The following C12orf54 variants were observed in gnomAD, a reference collection of about 807,000 sequenced individuals.
C12orf54 encodes the protein uncharacterized protein C12orf54.
Under a neutral mutation model 26.4 loss-of-function variants are expected in C12orf54, and 24 were observed. The observed-to-expected ratio is 0.91, with a 90% CI of 0.66 to 1.28. The LOEUF (loss-of-function observed/expected upper bound fraction) is 1.28. C12orf54 is among the 50% of genes most tolerant of loss of function. The pLI, the probability that C12orf54 is intolerant of heterozygous loss-of-function variation, is 0.00. For synonymous variants in C12orf54, 54 were observed against 47.0 expected, an observed-to-expected ratio of 1.15 and a Z score of -0.61; for missense variants, 154 against 150.9, an observed-to-expected ratio of 1.02 and a Z score of -0.11.
rs1028428728 is a variant in C12orf54, at chr12:48,492,898, C to T, written c.194-49C>T. 8.4e-6 allele frequency: 13 copies of T among 1,539,362 alleles called. No homozygotes were observed. The African/African-American group carries it at 1.8e-4, about 21-fold the overall frequency. On this transcript the variant is annotated intron_variant, in intron 6 of 8. Transcript: ENST00000548364. ...GATGTGAGCTGGGCAGCTGGGGAGA[C>T]ATGTCCAGGCCCCTGTAACAGAATG...
upstream of C12orf54, among the ~76,000 whole-genome samples, chr12:48,478,927 A>T (rs199903004): frequency 5.7e-4 from 87 of 152,336 alleles, no homozygotes; most frequent in East Asian, 0.017. Context: ...GGGACTGTGA[A>T]CTAGTTCAAC....
chr12:48,486,047 G>T, intron 2 of C12orf54, 131 bp from the exon 3 acceptor site: 1 of 817,792 alleles, frequency 1.2e-6, no homozygotes. Flanking sequence ...GCAGGACCGT[G>T]GCTACCCTTC....
At chr12:48,443,951 A>C in the C12orf54 span, among the ~76,000 whole-genome samples, 1 of 152,202 alleles carries the variant, frequency 6.6e-6, no homozygotes, top group Non-Finnish European at 1.5e-5. Context: ...TATTCTTTGG[A>C]ATCGAGTCCA....
At chr12:48,451,491 G>A in the C12orf54 span, among the ~76,000 whole-genome samples, 1 of 152,136 alleles carries the variant, frequency 6.6e-6, no homozygotes, top group East Asian at 1.9e-4. Context: ...GTTCTGGCCA[G>A]GGCAATCAGG....
chr12:48,468,159 A>G, the C12orf54 span, among the ~76,000 whole-genome samples: 1 of 152,226 alleles, frequency 6.6e-6, no homozygotes, highest in Non-Finnish European at 1.5e-5. Context: ...GGTATTTATA[A>G]TGTCCAGTGG....
At chr12:48,450,716 A>G in the C12orf54 span, among the ~76,000 whole-genome samples, 1 of 152,216 alleles carries the variant, frequency 6.6e-6, no homozygotes, top group South Asian at 2.1e-4. Context: ...CACATAAACT[A>G]GAACATCTAG....
the C12orf54 span, among the ~76,000 whole-genome samples, chr12:48,429,554 C>T: frequency 6.6e-6 from 1 of 151,376 alleles, no homozygotes; most frequent in Non-Finnish European, 1.5e-5. Flanking sequence ...ATCAAGAACA[C>T]AACCCCTTTT....
At chr12:48,443,457 T>C in the C12orf54 span, among the ~76,000 whole-genome samples, 2 of 152,140 alleles carry the variant, frequency 1.3e-5, no homozygotes, top group East Asian at 3.8e-4. Context: ...TTTCAATAAA[T>C]ACTTAAGTGA....
the C12orf54 span, among the ~76,000 whole-genome samples, chr12:48,429,167 T>A: frequency 1.6e-3 from 243 of 152,078 alleles, 1 homozygote; most frequent in East Asian, 0.035. Flanking sequence ...GGAACATACC[T>A]CAATGTAATA....
chr12:48,441,473 A>T, the C12orf54 span, among the ~76,000 whole-genome samples: 1 of 152,268 alleles, frequency 6.6e-6, no homozygotes. Flanking sequence ...AAGAAAAAAA[A>T]ATCCTAAGAG....
chr12:48,455,645 G>A, the C12orf54 span, among the ~76,000 whole-genome samples: 1 of 152,212 alleles, frequency 6.6e-6, no homozygotes, highest in Non-Finnish European at 1.5e-5. Flanking sequence ...ACCTGGAGTT[G>A]AGCAGCACCT....
the C12orf54 span, among the ~76,000 whole-genome samples, chr12:48,436,396 G>C: frequency 1.3e-5 from 2 of 152,092 alleles, no homozygotes; most frequent in African/African-American, 4.8e-5. Context: ...ACTCTGCTCT[G>C]CACCAAGCGG....
the C12orf54 span, among the ~76,000 whole-genome samples, chr12:48,456,275 T>G: frequency 6.6e-6 from 1 of 152,202 alleles, no homozygotes; most frequent in African/African-American, 2.4e-5. Flanking sequence ...AAAGTTATAC[T>G]GACAGCTGTA....
chr12:48,423,113 G>A, the C12orf54 span, among the ~76,000 whole-genome samples: 1 of 152,064 alleles, frequency 6.6e-6, no homozygotes, highest in Admixed American at 6.5e-5. Context: ...CACCCATCTT[G>A]TACAGTTTAC....
At chr12:48,451,528 A>G in the C12orf54 span, among the ~76,000 whole-genome samples, 2 of 152,192 alleles carry the variant, frequency 1.3e-5, no homozygotes, top group South Asian at 2.1e-4. Flanking sequence ...GGGATATTCA[A>G]ATAGGAAAGA....
chr12:48,472,822 G>C, the C12orf54 span: 1 of 1,614,122 alleles, frequency 6.2e-7, no homozygotes, highest in Non-Finnish European at 8.5e-7. Context: ...ATCAACATAG[G>C]CCTCACCTCA....
At chr12:48,482,922 A>T (rs1954213740) in intron 1 of C12orf54, among the ~76,000 whole-genome samples, 1 of 148,350 alleles carries the variant, frequency 6.7e-6, no homozygotes, top group Non-Finnish European at 1.5e-5. Flanking sequence ...CTTATTTTTC[A>T]CTTAGATTCT....
At chr12:48,474,995 C>A in the C12orf54 span, among the ~76,000 whole-genome samples, 1 of 152,208 alleles carries the variant, frequency 6.6e-6, no homozygotes, top group Non-Finnish European at 1.5e-5. Context: ...GGAGGCACCC[C>A]CCAGTAGGGG....
chr12:48,485,790 C>T (rs1433055658), intron 2 of C12orf54, among the ~76,000 whole-genome samples: 1 of 152,146 alleles, frequency 6.6e-6, no homozygotes, highest in Non-Finnish European at 1.5e-5. Context: ...AAAAAGGAAG[C>T]AGTTTGCTAA....
Sources: gnomAD v4.1 joint callset for allele counts (sites outside exome capture counted in the v4.1 genomes callset) on GRCh38, gnomAD v4.1.1 for gene constraint, MANE v1.5 for transcripts, NCBI Gene and HGNC (gene_info 2026-07-23, HGNC 2026-07-21) for gene names.